FHIT: variants seen among roughly 807,000 people sequenced by gnomAD.
FHIT encodes bis(5'-adenosyl)-triphosphatase.
In FHIT, 19 loss-of-function variants were observed where a neutral mutation model predicts 17.9. The observed-to-expected ratio is 1.06, with a 90% CI of 0.74 to 1.56. The LOEUF (loss-of-function observed/expected upper bound fraction) is 1.56, where lower values mean the gene tolerates loss of function less well. FHIT is among the 40% of genes most tolerant of loss of function. FHIT has a pLI of 0.00. For missense variants in FHIT, 248 were observed against 189.2 expected, an observed-to-expected ratio of 1.31 and a Z score of -1.82; for synonymous variants, 81 against 69.7, an observed-to-expected ratio of 1.16 and a Z score of -0.81.
chr3:59,886,464 G>A (rs1048934465), intron 8 of FHIT, among the ~76,000 whole-genome samples: 2 of 152,222 alleles, frequency 1.3e-5, no homozygotes. Flanking sequence ...AGTTCTGCAG[G>A]CTGTACGAGA....
chr3:60,554,044 G>A (rs2036658282), intron 4 of FHIT, among the ~76,000 whole-genome samples: 1 of 151,964 alleles, frequency 6.6e-6, no homozygotes, highest in Non-Finnish European at 1.5e-5. Context: ...CCAAGATTGT[G>A]CTGCGCCACT....
At chr3:59,828,506 G>T (rs1176142441) in intron 8 of FHIT, among the ~76,000 whole-genome samples, 1 of 152,216 alleles carries the variant, frequency 6.6e-6, no homozygotes, top group East Asian at 1.9e-4. Context: ...TGTGGCTGCG[G>T]ATGATAAAGT....
chr3:61,214,672 C>T (rs1224712457), intron 1 of FHIT, among the ~76,000 whole-genome samples: 2 of 152,130 alleles, frequency 1.3e-5, no homozygotes, highest in African/African-American at 2.4e-5. Flanking sequence ...CCAGCATCAT[C>T]CTGATACCAA....
intron 7 of FHIT, among the ~76,000 whole-genome samples, chr3:60,005,570 C>T (rs559474771): frequency 1.1e-4 from 17 of 152,196 alleles, no homozygotes; most frequent in Non-Finnish European, 2.1e-4. Flanking sequence ...CCCCTGAGCA[C>T]TGCAGTTGTC....
chr3:60,257,499 G>A (rs573885704), intron 5 of FHIT, among the ~76,000 whole-genome samples: 8 of 152,152 alleles, frequency 5.3e-5, no homozygotes, highest in Non-Finnish European at 1.2e-4. Context: ...ACCCTGGATT[G>A]TGGCTTTTCA....
At chr3:60,903,306 T>G (rs977296712) in intron 3 of FHIT, among the ~76,000 whole-genome samples, 4 of 152,246 alleles carry the variant, frequency 2.6e-5, no homozygotes, top group African/African-American at 9.6e-5. Context: ...TATATTCTTG[T>G]GTTAGGCATT....
intron 5 of FHIT, among the ~76,000 whole-genome samples, chr3:60,371,841 G>GTT (rs1272253534): frequency 3.4e-5 from 2 of 59,200 alleles, no homozygotes; most frequent in African/African-American, 8.7e-5. Flanking sequence ...ATTTTTGTGG[G>GTT]GTTTTTTTTT....
intron 4 of FHIT, among the ~76,000 whole-genome samples, chr3:60,630,957 CACA>C (rs2039425745): frequency 3.8e-5 from 2 of 52,044 alleles, no homozygotes; most frequent in South Asian, 2.1e-3. Flanking sequence ...AAAAAAAAAA[CACA>C]CAGAAATAAC....
chr3:59,852,863 G>C (rs1701998615), intron 8 of FHIT, among the ~76,000 whole-genome samples: 1 of 151,958 alleles, frequency 6.6e-6, no homozygotes. Flanking sequence ...TAGCTAATTT[G>C]TTTTTGGCAC....
chr3:59,809,699 T>A (rs1700338535), intron 8 of FHIT, among the ~76,000 whole-genome samples: 1 of 152,182 alleles, frequency 6.6e-6, no homozygotes, highest in South Asian at 2.1e-4. Flanking sequence ...TTGTAATGAC[T>A]GGGGTTTGTT....
intron 5 of FHIT, among the ~76,000 whole-genome samples, chr3:60,095,100 T>C (rs1703887800): frequency 6.6e-6 from 1 of 152,130 alleles, no homozygotes; most frequent in Admixed American, 6.5e-5. Context: ...AGCTGGGCAA[T>C]TATGAAGCAG....
chr3:60,014,074 G>A lies in FHIT; in HGVS notation c.182C>T (p.Thr61Met), dbSNP rs148747004. The A allele has an allele frequency of 1.1e-4, 177 of 1,614,030 alleles. No homozygotes were observed. In the East Asian group the frequency reaches 2.9e-3, roughly 26 times the overall value. Residue 61 changes from threonine to methionine, a missense_variant, in exon 6 of 10, where the codon ACG becomes ATG. Thr to Met is a moderately conservative substitution (Grantham distance 81, BLOSUM62 -1). Coordinates refer to ENST00000492590, the MANE Select transcript of FHIT (RefSeq NM_002012.4). Reference protein sequence around the residue: ...RPDEVADLFQTTQRVGTVVEK... With the variant: ...RPDEVADLFQMTQRVGTVVEK... ...CACCACTGTCCCGACTCTCTGGGTC[G>A]TCTGAAACAAATCGGCCACTTCATC... is the stretch of plus-strand genomic sequence containing the variant.
chr3:60,019,811 CAGTT>C (rs1346760733), intron 5 of FHIT, among the ~76,000 whole-genome samples: 1 of 152,190 alleles, frequency 6.6e-6, no homozygotes, highest in African/African-American at 2.4e-5. Flanking sequence ...CAAAGTCACA[CAGTT>C]AGGAGCACAG....
intron 5 of FHIT, among the ~76,000 whole-genome samples, chr3:60,193,324 C>T (rs928755864): frequency 1.3e-5 from 2 of 152,142 alleles, no homozygotes; most frequent in African/African-American, 4.8e-5. Flanking sequence ...GGTTTCAATG[C>T]ATGTAAGAGC....
intron 3 of FHIT, among the ~76,000 whole-genome samples, chr3:60,918,389 T>C (rs1707113610): frequency 6.6e-6 from 1 of 152,172 alleles, no homozygotes; most frequent in South Asian, 2.1e-4. Flanking sequence ...TCCAGAAACA[T>C]AGGTCCCAGT....
At chr3:59,928,180 C>A (rs533107089) in intron 7 of FHIT, among the ~76,000 whole-genome samples, 2 of 152,332 alleles carry the variant, frequency 1.3e-5, no homozygotes, top group African/African-American at 4.8e-5. Context: ...TTCTAAAGAA[C>A]AACAGACGAT....
intron 8 of FHIT, among the ~76,000 whole-genome samples, chr3:59,839,662 T>C (rs113062099): frequency 1.3e-5 from 2 of 152,256 alleles, no homozygotes; most frequent in African/African-American, 4.8e-5. Context: ...CTCCTTTCAC[T>C]CTCTTCTGGG....
intron 3 of FHIT, among the ~76,000 whole-genome samples, chr3:60,854,585 T>G (rs1703298263): frequency 6.9e-6 from 1 of 145,848 alleles, no homozygotes; most frequent in Non-Finnish European, 1.5e-5. Context: ...CTGCTGTCCT[T>G]CAGTGAGGCT....
chr3:60,373,155 G>A (rs1700405067), intron 5 of FHIT, among the ~76,000 whole-genome samples: 1 of 152,106 alleles, frequency 6.6e-6, no homozygotes, highest in Non-Finnish European at 1.5e-5. Context: ...TAGCAGAGAA[G>A]GCACACATTA....
Sources: allele counts gnomAD v4.1 joint callset (sites outside exome capture counted in the v4.1 genomes callset), GRCh38; gene constraint gnomAD v4.1.1; transcripts MANE v1.5; gene names NCBI Gene and HGNC (gene_info 2026-07-23, HGNC 2026-07-21).